Variants in FGF12 observed in about 807,000 individuals in gnomAD.
FGF12 encodes the protein fibroblast growth factor 12B.
A neutral mutation model predicts 23.6 loss-of-function variants in FGF12; 14 were observed. The observed-to-expected ratio is 0.59, with a 90% CI of 0.39 to 0.93. The LOEUF is 0.93. FGF12 is among the 40% of genes least tolerant of loss of function. FGF12 has a pLI of 0.00. For missense variants in FGF12, 175 were observed against 217.8 expected (o/e 0.80, Z 1.24); for synonymous variants, 62 against 77.3 (o/e 0.80, Z 1.04).
intron 5 of FGF12, among the ~76,000 whole-genome samples, chr3:192,155,614 G>A (rs1259037530): frequency 6.6e-6 from 1 of 152,204 alleles, no homozygotes; most frequent in African/African-American, 2.4e-5. Context: ...CTATGAACAA[G>A]TATGGAGAAT....
intron 5 of FGF12, among the ~76,000 whole-genome samples, chr3:192,145,738 G>T (rs1185593665): frequency 6.6e-6 from 1 of 152,210 alleles, no homozygotes; most frequent in Non-Finnish European, 1.5e-5. Context: ...CTTGGCTGAA[G>T]TAACAGAGTA....
At chr3:192,463,303 C>A (rs1722915499) in intron 2 of FGF12, among the ~76,000 whole-genome samples, 1 of 151,926 alleles carries the variant, frequency 6.6e-6, no homozygotes, top group Non-Finnish European at 1.5e-5. Flanking sequence ...ACCTGTAGTC[C>A]CAGCTGCTTG....
At chr3:192,473,947 T>C (rs1723243521) in intron 2 of FGF12, among the ~76,000 whole-genome samples, 1 of 152,196 alleles carries the variant, frequency 6.6e-6, no homozygotes, top group African/African-American at 2.4e-5. Flanking sequence ...AGAGCAGAAC[T>C]ACACTCACCT....
chr3:192,236,719 T>C (rs922359730), intron 4 of FGF12, among the ~76,000 whole-genome samples: 14 of 152,182 alleles, frequency 9.2e-5, no homozygotes, highest in African/African-American at 3.1e-4. Flanking sequence ...TCCATCCCTT[T>C]ACTTTGAGCA....
At chr3:192,305,679 A>ATATATATATATATAT (rs1553794685) in intron 4 of FGF12, among the ~76,000 whole-genome samples, 6 of 131,932 alleles carry the variant, frequency 4.5e-5, no homozygotes, top group South Asian at 2.6e-4. Flanking sequence ...AAAAAAAAAA[A>ATATATATATATATAT]ATATATATAT....
intron 2 of FGF12, among the ~76,000 whole-genome samples, chr3:192,704,012 G>T (rs1331907754): frequency 1.3e-5 from 2 of 152,146 alleles, no homozygotes; most frequent in African/African-American, 4.8e-5. Context: ...AACCTTCAAA[G>T]TTATTCATGA....
At chr3:192,148,348 G>T (rs1713842020) in intron 5 of FGF12, among the ~76,000 whole-genome samples, 1 of 152,192 alleles carries the variant, frequency 6.6e-6, no homozygotes, top group African/African-American at 2.4e-5. Flanking sequence ...GGTGAAATAA[G>T]CCAGTTACAA....
At chr3:192,246,742 T>C (rs1255226446) in intron 4 of FGF12, among the ~76,000 whole-genome samples, 9 of 150,404 alleles carry the variant, frequency 6.0e-5, no homozygotes, top group Admixed American at 1.3e-4. Context: ...GGAGAATCGC[T>C]TGAACCCGGG....
intron 2 of FGF12, chr3:192,516,947 G>A (rs1380322825): frequency 1.3e-5 from 2 of 152,212 alleles, no homozygotes; most frequent in Non-Finnish European, 2.9e-5. Flanking sequence ...CAGAGGGAGA[G>A]ACAATTAGCA....
At chr3:192,222,672 GA>G (rs1718536851) in intron 4 of FGF12, among the ~76,000 whole-genome samples, 1 of 152,026 alleles carries the variant, frequency 6.6e-6, no homozygotes, top group African/African-American at 2.4e-5. Flanking sequence ...TATTGTGTGT[GA>G]AAAAGGGAAA....
chr3:192,586,798 C>CA (rs1388908215), intron 2 of FGF12, among the ~76,000 whole-genome samples: 2 of 152,084 alleles, frequency 1.3e-5, no homozygotes, highest in Admixed American at 1.3e-4. Flanking sequence ...TGGAAATGTG[C>CA]ATATGTCCTG....
At chr3:192,437,710 A>G (rs1722070928) in intron 2 of FGF12, among the ~76,000 whole-genome samples, 1 of 145,554 alleles carries the variant, frequency 6.9e-6, no homozygotes, top group Admixed American at 6.7e-5. Flanking sequence ...CAACAACAAA[A>G]CAAACAAACA....
chr3:192,324,427 T>C (rs6788342), intron 4 of FGF12, among the ~76,000 whole-genome samples: 7,647 of 152,214 alleles, frequency 0.05, 566 homozygotes, highest in African/African-American at 0.16. Context: ...TTAAAATATA[T>C]CTACTGCTGC....
chr3:192,263,228 C>T (rs991215901), intron 4 of FGF12, among the ~76,000 whole-genome samples: 4 of 152,040 alleles, frequency 2.6e-5, no homozygotes, highest in Non-Finnish European at 5.9e-5. Context: ...GACATCATTT[C>T]GAGTAATCAA....
chr3:192,659,225 T>C (rs1577104714), intron 2 of FGF12, among the ~76,000 whole-genome samples: 2 of 152,214 alleles, frequency 1.3e-5, no homozygotes, highest in South Asian at 4.1e-4. Flanking sequence ...AAAGTGTTGA[T>C]ACATCTTATG....
At chr3:192,727,462 AT>A (rs34864946) in intron 1 of FGF12, 21 bp downstream of exon 1, 96,942 of 555,542 alleles carry the variant, frequency 0.17, 11 homozygotes, top group South Asian at 0.23. Flanking sequence ...GCCCGCTCAG[AT>A]TTTTTTTTTT....
chr3:192,296,098 G>T, intron 4 of FGF12, among the ~76,000 whole-genome samples: 1 of 127,202 alleles, frequency 7.9e-6, no homozygotes, highest in Non-Finnish European at 1.6e-5. Flanking sequence ...TGGAGACAGG[G>T]TTTCACCATG....
chr3:192,216,952 A>G (rs1718223451), intron 4 of FGF12, among the ~76,000 whole-genome samples: 1 of 152,224 alleles, frequency 6.6e-6, no homozygotes, highest in African/African-American at 2.4e-5. Context: ...TCGAATCAGG[A>G]AACTTGATGT....
chr3:192,618,470 A>G (rs2108645685), intron 2 of FGF12, among the ~76,000 whole-genome samples: 1 of 152,264 alleles, frequency 6.6e-6, no homozygotes, highest in East Asian at 1.9e-4. Flanking sequence ...AAAAGAAGGA[A>G]GGAAGGAAGG....
Sources: allele counts gnomAD v4.1 joint callset (sites outside exome capture counted in the v4.1 genomes callset), GRCh38; gene constraint gnomAD v4.1.1; transcripts MANE v1.5; gene names NCBI Gene and HGNC (gene_info 2026-07-23, HGNC 2026-07-21).